IST1: variants seen among roughly 807,000 people sequenced by gnomAD.
The protein encoded by IST1 is IST1 homolog.
A neutral mutation model predicts 37.0 loss-of-function variants in IST1; 23 were observed. The observed-to-expected ratio is 0.62, with a 90% CI of 0.45 to 0.88. The LOEUF is 0.88. IST1 is among the 40% of genes least tolerant of loss of function. The pLI, the probability that IST1 is intolerant of heterozygous loss-of-function variation, is 0.00. For missense variants in IST1, 488 were observed against 445.4 expected (o/e 1.10, Z -0.86); for synonymous variants, 180 against 161.7 (o/e 1.11, Z -0.86).
At chr16:71,922,900 A>C (rs1164308429) in intron 7 of IST1, 25 of 591,880 alleles carry the variant, frequency 4.2e-5, no homozygotes, top group Non-Finnish European at 6.3e-5. Flanking sequence ...CTAGAAAAAC[A>C]CTTTTCATAT....
chr16:71,902,338 C>T (rs1313449937), intron 1 of IST1, among the ~76,000 whole-genome samples: 2 of 151,542 alleles, frequency 1.3e-5, no homozygotes, highest in Non-Finnish European at 2.9e-5. Flanking sequence ...GGTGTGATCT[C>T]GGCTCACTGC....
chr16:71,908,456 C>T (rs994720537), intron 1 of IST1, among the ~76,000 whole-genome samples: 72 of 152,076 alleles, frequency 4.7e-4, no homozygotes, highest in African/African-American at 1.6e-3. Flanking sequence ...TGTGCCACCA[C>T]GCCCGGATAA....
chr16:71,895,836 C>T (rs2036954415), intron 1 of IST1, among the ~76,000 whole-genome samples: 3 of 152,216 alleles, frequency 2.0e-5, no homozygotes, highest in Non-Finnish European at 4.4e-5. Flanking sequence ...GGTCGGAGGC[C>T]TCTGGTCCTG....
At position 71,923,023 on chromosome 16, in the gene IST1, A is replaced by T. The variant is rs2037644961; in HGVS notation, c.760-265A>T. ...AACAACCTTTGTAGATAAGATGGTCATTGGTAGTAAGAAAGTCTCGTTAGA... is the reference window on the plus strand; with the variant it reads ...AACAACCTTTGTAGATAAGATGGTCTTTGGTAGTAAGAAAGTCTCGTTAGA... On this transcript the variant is annotated intron_variant, in intron 7 of 9. Transcript: ENST00000378799. 6.4e-6 allele frequency: 3 copies of T among 471,560 alleles called. No homozygotes were observed. In the East Asian group the frequency reaches 1.2e-4, roughly 18 times the overall value. 29.2% of individuals were successfully genotyped at this position (471,560 alleles called of 1,614,324 possible).
rs2037836280 is a variant in IST1, at chr16:71,929,403, A to G, written c.*1590A>G. ...TCTTGACAGTGCCAAGATCCATAAG[A>G]ACTTGGGACCAAGGGGATTTTGATT... On this transcript the variant is annotated 3_prime_UTR_variant, in exon 10 of 10. Transcript: ENST00000378799. 1 of 871,930 alleles carries G rather than the reference A, an allele frequency of 1.1e-6. No homozygotes were observed. The highest frequency in any genetic ancestry group is 1.7e-6 in the Non-Finnish European group (1 of 591,384). The allele number at this position is 871,930 out of a possible 1,614,324, so 54.0% of individuals were successfully genotyped here. A position where few individuals can be genotyped will look rare whatever the true frequency, so the allele number is the denominator to read the frequency against.
Position 71,929,535 on chromosome 16 carries a change from G to A in IST1, c.*1722G>A, listed in dbSNP as rs764846964. The A allele has an allele frequency of 3.2e-6, 5 of 1,549,800 alleles. No homozygotes were observed. In the South Asian group the frequency reaches 6.0e-5, roughly 19 times the overall value. On this transcript the variant is annotated 3_prime_UTR_variant, in exon 10 of 10. Transcript: ENST00000378799. Reference sequence around the variant, plus strand: ...ATACTAAGCCAAGTAGGAGATAACAGGATTAAGGTAGTTCATCTAAAACTT... The same window carrying A: ...ATACTAAGCCAAGTAGGAGATAACAAGATTAAGGTAGTTCATCTAAAACTT...
chr16:71,899,973 G>A (rs1469260610), intron 1 of IST1, among the ~76,000 whole-genome samples: 3 of 148,742 alleles, frequency 2.0e-5, no homozygotes, highest in Non-Finnish European at 3.0e-5. Context: ...CTCTAGCCTC[G>A]GCGACAGAAC....
At chr16:71,899,972 C>T (rs913501372) in intron 1 of IST1, among the ~76,000 whole-genome samples, 7 of 137,452 alleles carry the variant, frequency 5.1e-5, no homozygotes, top group East Asian at 2.2e-4. Context: ...ACTCTAGCCT[C>T]GGCGACAGAA....
chr16:71,903,122 G>C (rs1303086759), intron 1 of IST1: 2 of 152,184 alleles, frequency 1.3e-5, no homozygotes, highest in South Asian at 2.1e-4. Flanking sequence ...GGGACTCCAG[G>C]TGTGTGCCAC....
rs540221474 is a variant in IST1, at chr16:71,906,231, C to T, written c.-15-9395C>T. 3.3e-5 allele frequency among the ~76,000 whole-genome samples: 5 copies of T among 151,920 alleles called. No homozygotes were observed. In the South Asian group the frequency reaches 1.0e-3, roughly 32 times the overall value. Reference sequence around the variant, plus strand: ...TGTTAGCCAGGATGGTCTCAATCTCCTGACCTCGTGATCCACCCACCTCAG... The same window carrying T: ...TGTTAGCCAGGATGGTCTCAATCTCTTGACCTCGTGATCCACCCACCTCAG... On this transcript the variant is annotated intron_variant, in intron 1 of 9. Coordinates refer to ENST00000378799, the MANE Select transcript of IST1 (RefSeq NM_001270975.2).
chr16:71,917,197 A>C, intron 4 of IST1, 63 bp downstream of exon 4: 1 of 954,520 alleles, frequency 1.0e-6, no homozygotes, highest in Non-Finnish European at 1.6e-6. Flanking sequence ...GTTGGTTAAT[A>C]TAAGTTACTT....
intron 8 of IST1, 63 bp from the exon 9 acceptor site, chr16:71,924,706 A>T: frequency 7.9e-7 from 1 of 1,270,098 alleles, no homozygotes; most frequent in Non-Finnish European, 1.2e-6. Context: ...ACAGGGGCTT[A>T]CACCAGTACT....
At chr16:71,907,666 T>C (rs1213713878) in intron 1 of IST1, among the ~76,000 whole-genome samples, 1 of 152,194 alleles carries the variant, frequency 6.6e-6, no homozygotes, top group East Asian at 1.9e-4. Context: ...GTTCACTGTT[T>C]TCAATTTTTT....
chr16:71,899,426 T>G (rs1202249338), intron 1 of IST1, among the ~76,000 whole-genome samples: 1 of 151,736 alleles, frequency 6.6e-6, no homozygotes, highest in Non-Finnish European at 1.5e-5. Flanking sequence ...TAATAAAAAT[T>G]TTTAAAAAGA....
At chr16:71,904,561 A>AT (rs1368356990) in intron 1 of IST1, among the ~76,000 whole-genome samples, 3 of 152,134 alleles carry the variant, frequency 2.0e-5, no homozygotes, top group Non-Finnish European at 4.4e-5. Flanking sequence ...CTACAGGCAC[A>AT]TGCTACCGTG....
At chr16:71,903,950 T>G (rs544563240) in intron 1 of IST1, among the ~76,000 whole-genome samples, 1 of 152,318 alleles carries the variant, frequency 6.6e-6, no homozygotes, top group East Asian at 1.9e-4. Context: ...GTTTTTGCTT[T>G]TTGTTTTTGA....
chr16:71,920,416 CAA>C (rs147870029), intron 4 of IST1, among the ~76,000 whole-genome samples: 5,616 of 152,220 alleles, frequency 0.037, 317 homozygotes, highest in African/African-American at 0.13. Flanking sequence ...TATTCTTTAA[CAA>C]GGGAAATTTT....
In IST1 at chr16:71,931,027, A is replaced by G. The variant is rs2037937386; in HGVS notation, c.*3214A>G. On this transcript the variant is annotated 3_prime_UTR_variant, in exon 10 of 10. Transcript: ENST00000378799. ...TGTGGGCAATCTCTGAGTTTGTGAT[A>G]CAAGACTTATTTCCAATAAGTTTAT... The G allele has an allele frequency of 6.6e-6, 1 of 152,250 alleles. No individual in the cohort carries two copies. Among genetic ancestry groups the G allele is most frequent in the Non-Finnish European group, 1.5e-5 (1 of 68,044 alleles). The allele number at this position is 152,250 out of a possible 1,614,324, so 9.4% of individuals were successfully genotyped here.
chr16:71,927,572 T>C (rs1258488748), intron 9 of IST1, 42 bp from the exon 10 acceptor site: 52 of 1,365,976 alleles, frequency 3.8e-5, no homozygotes, highest in Non-Finnish European at 5.3e-5. Flanking sequence ...ATCTGAGTCA[T>C]TTCTCTGGTA....
Sources: allele counts gnomAD v4.1 joint callset (sites outside exome capture counted in the v4.1 genomes callset), GRCh38; gene constraint gnomAD v4.1.1; transcripts MANE v1.5; gene names NCBI Gene and HGNC (gene_info 2026-07-23, HGNC 2026-07-21).